Variants in CSMD1 observed in about 807,000 individuals in gnomAD.
CSMD1 encodes CUB and Sushi multiple domains 1.
CSMD1 carries 213 observed loss-of-function variants against 417.5 expected under a neutral mutation model. That is an observed-to-expected ratio of 0.51 (90% CI 0.46 to 0.57). The LOEUF (loss-of-function observed/expected upper bound fraction) is 0.57. Ranked by LOEUF, CSMD1 falls within the 20% of genes least tolerant of loss-of-function variation. The pLI, the probability that CSMD1 is intolerant of heterozygous loss-of-function variation, is 0.00. For synonymous variants in CSMD1, 2,862 were observed against 1,736.8 expected (o/e 1.65, Z -16.11); for missense variants, 6,923 against 4,529.7 (o/e 1.53, Z -15.17).
At chr8:3,773,495 C>T (rs769665229) in intron 5 of CSMD1, among the ~76,000 whole-genome samples, 5 of 152,092 alleles carry the variant, frequency 3.3e-5, no homozygotes, top group Non-Finnish European at 5.9e-5. Context: ...CCGTGTTTCC[C>T]AGGCTGGTCT....
At chr8:3,003,409 G>C (rs1004258783) in intron 52 of CSMD1, among the ~76,000 whole-genome samples, 1 of 152,138 alleles carries the variant, frequency 6.6e-6, no homozygotes, top group East Asian at 1.9e-4. Flanking sequence ...TCTTCCCTCA[G>C]GATGAAATGT....
intron 3 of CSMD1, among the ~76,000 whole-genome samples, chr8:4,411,162 T>C (rs1165380881): frequency 1.3e-5 from 2 of 152,152 alleles, no homozygotes; most frequent in Non-Finnish European, 2.9e-5. Context: ...CCTTTATAAA[T>C]TACCCAGTCT....
At chr8:4,241,038 G>C (rs1198084382) in intron 3 of CSMD1, among the ~76,000 whole-genome samples, 3 of 152,116 alleles carry the variant, frequency 2.0e-5, no homozygotes, top group Non-Finnish European at 4.4e-5. Flanking sequence ...TTATTTCTTA[G>C]TCTTTTAATG....
intron 1 of CSMD1, among the ~76,000 whole-genome samples, chr8:4,768,255 G>A (rs927933937): frequency 6.6e-6 from 1 of 151,910 alleles, no homozygotes; most frequent in Admixed American, 6.6e-5. Flanking sequence ...CCTCCTTCAT[G>A]TCAGCCCCTA....
chr8:4,566,481 G>A (rs550351186), intron 2 of CSMD1, among the ~76,000 whole-genome samples: 8 of 150,602 alleles, frequency 5.3e-5, no homozygotes, highest in South Asian at 4.2e-4. Context: ...GTGAAACCCC[G>A]TCTCTACTAA....
intron 3 of CSMD1, among the ~76,000 whole-genome samples, chr8:4,176,132 C>A (rs992087235): frequency 2.0e-5 from 3 of 152,004 alleles, no homozygotes; most frequent in East Asian, 3.9e-4. Flanking sequence ...AAGGGCAGTC[C>A]ACATTTATAG....
At chr8:3,651,284 G>C (rs1305530003) in intron 7 of CSMD1, among the ~76,000 whole-genome samples, 7 of 152,092 alleles carry the variant, frequency 4.6e-5, no homozygotes, top group Admixed American at 2.6e-4. Flanking sequence ...ATTTCACCTT[G>C]AGTAAAAGCC....
intron 4 of CSMD1, among the ~76,000 whole-genome samples, chr8:4,008,600 C>CTTTTTTTTTTTT (rs1161117794): frequency 0.023 from 1,851 of 80,516 alleles, 25 homozygotes; most frequent in Non-Finnish European, 0.027. Flanking sequence ...TTCTTTTTTT[C>CTTTTTTTTTTTT]TTTTTTTTTT....
rs574246216 is a variant in CSMD1, at chr8:3,827,874, A to C, written c.819-73832T>G. On this transcript the variant is annotated intron_variant, in intron 5 of 69. Coordinates refer to ENST00000635120, the MANE Select transcript of CSMD1 (RefSeq NM_033225.6). ...TGTCACAGAAGAGCACTTCTGATGA[A>C]GTTTCATCCCCATGGGCTCACTCAA... 2.6e-5 allele frequency among the ~76,000 whole-genome samples: 4 copies of C among 152,338 alleles called. No individual in the cohort carries two copies. In the South Asian group the frequency reaches 8.3e-4, roughly 32 times the overall value.
At chr8:4,811,036 T>C (rs1206370641) in intron 1 of CSMD1, among the ~76,000 whole-genome samples, 1 of 152,212 alleles carries the variant, frequency 6.6e-6, no homozygotes, top group East Asian at 1.9e-4. Flanking sequence ...GAAATGGGCA[T>C]CACACTTAAA....
intron 18 of CSMD1, 101 bp downstream of exon 18, chr8:3,387,393 A>C: frequency 1.1e-6 from 1 of 947,190 alleles, no homozygotes; most frequent in Non-Finnish European, 1.6e-6. Flanking sequence ...CGCCAGTCGT[A>C]AGGTACCACC....
At chr8:4,961,917 T>C (rs1379856992) in intron 1 of CSMD1, among the ~76,000 whole-genome samples, 2 of 152,090 alleles carry the variant, frequency 1.3e-5, no homozygotes, top group African/African-American at 4.8e-5. Flanking sequence ...TCCAATCTAT[T>C]ATTTTATTCA....
intron 2 of CSMD1, among the ~76,000 whole-genome samples, chr8:4,537,413 T>C (rs1305890164): frequency 6.6e-6 from 1 of 152,210 alleles, no homozygotes; most frequent in Non-Finnish European, 1.5e-5. Context: ...CTTTTCTGTT[T>C]TGTGATTATT....
intron 23 of CSMD1, among the ~76,000 whole-genome samples, chr8:3,312,663 C>G (rs1442105513): frequency 6.6e-6 from 1 of 152,168 alleles, no homozygotes; most frequent in Non-Finnish European, 1.5e-5. Context: ...AGAGAAACAT[C>G]CCTAGAAATC....
At chr8:3,501,351 T>C (rs946922742) in intron 10 of CSMD1, among the ~76,000 whole-genome samples, 2 of 152,226 alleles carry the variant, frequency 1.3e-5, no homozygotes, top group African/African-American at 4.8e-5. Flanking sequence ...TTTTTAAGTT[T>C]TTCCTTTTGA....
At chr8:3,857,640 G>T (rs1001977262) in intron 5 of CSMD1, among the ~76,000 whole-genome samples, 2 of 152,126 alleles carry the variant, frequency 1.3e-5, no homozygotes, top group African/African-American at 4.8e-5. Context: ...AGAGGGTGGG[G>T]ACACAGATGG....
intron 5 of CSMD1, among the ~76,000 whole-genome samples, chr8:3,990,492 C>A (rs1334379717): frequency 6.6e-6 from 1 of 152,120 alleles, no homozygotes; most frequent in South Asian, 2.1e-4. Context: ...ACTCCTCAGT[C>A]TGGACAATTT....
chr8:4,788,010 C>T, intron 1 of CSMD1: 1 of 1,590,034 alleles, frequency 6.3e-7, no homozygotes, highest in Non-Finnish European at 8.6e-7. Flanking sequence ...TTATCGGGAT[C>T]TCAAAGAAGT....
At chr8:4,066,635 G>A (rs928963742) in intron 3 of CSMD1, among the ~76,000 whole-genome samples, 1 of 152,266 alleles carries the variant, frequency 6.6e-6, no homozygotes, top group South Asian at 2.1e-4. Context: ...ACCACTAACA[G>A]CTCTTTGTGG....
Sources: allele counts gnomAD v4.1 joint callset (sites outside exome capture counted in the v4.1 genomes callset), GRCh38; gene constraint gnomAD v4.1.1; transcripts MANE v1.5; gene names NCBI Gene and HGNC (gene_info 2026-07-23, HGNC 2026-07-21).